Variants in SEMA3E observed in about 807,000 individuals in gnomAD.
SEMA3E encodes semaphorin 3E.
A neutral mutation model predicts 93.6 loss-of-function variants in SEMA3E; 49 were observed. That is an observed-to-expected ratio of 0.52 (90% CI 0.42 to 0.66). The LOEUF is 0.66. SEMA3E is among the 30% of genes least tolerant of loss of function. SEMA3E has a pLI of 0.00. For synonymous variants in SEMA3E, 363 were observed against 330.7 expected, an observed-to-expected ratio of 1.10 and a Z score of -1.06; for missense variants, 906 against 964.8, an observed-to-expected ratio of 0.94 and a Z score of 0.81.
chr7:83,647,617 G>C (rs1467045588), intron 1 of SEMA3E, among the ~76,000 whole-genome samples: 3 of 152,082 alleles, frequency 2.0e-5, no homozygotes, highest in Non-Finnish European at 4.4e-5. Context: ...GCTTGTATTG[G>C]TCCTGATGCA....
chr7:83,536,022 A>G (rs1791405307), intron 1 of SEMA3E, among the ~76,000 whole-genome samples: 1 of 152,130 alleles, frequency 6.6e-6, no homozygotes, highest in Admixed American at 6.6e-5. Context: ...CTCTATATAC[A>G]CCAATGATGG....
intron 1 of SEMA3E, among the ~76,000 whole-genome samples, chr7:83,491,732 T>C (rs1479078363): frequency 6.6e-6 from 1 of 151,886 alleles, no homozygotes; most frequent in Non-Finnish European, 1.5e-5. Context: ...GAATGAAGAG[T>C]ATTAGCAAAA....
intron 2 of SEMA3E, among the ~76,000 whole-genome samples, chr7:83,487,681 T>TTGTGTGTG (rs1291735580): frequency 6.1e-5 from 3 of 49,586 alleles, no homozygotes; most frequent in Admixed American, 4.2e-4. Flanking sequence ...TGGCAGGAGG[T>TTGTGTGTG]CGTGTGTGTG....
At chr7:83,637,297 C>T (rs1034559979) in intron 1 of SEMA3E, among the ~76,000 whole-genome samples, 1 of 152,034 alleles carries the variant, frequency 6.6e-6, no homozygotes, top group Non-Finnish European at 1.5e-5. Flanking sequence ...AAACAGTATA[C>T]CACATTATGT....
At position 83,387,346 on chromosome 7, in the gene SEMA3E, ATCT is replaced by A. The variant is rs76917252; in HGVS notation, c.1668-299_1668-297del. Among the ~76,000 whole-genome samples the A allele has an allele frequency of 0.12, 18,186 of 152,160 alleles. 1,203 individuals are homozygous for A. Among genetic ancestry groups the A allele is most frequent in the Non-Finnish European group, 0.15 (10,354 of 67,984 alleles). On this transcript the variant is annotated intron_variant, in intron 14 of 16. Transcript: ENST00000643230. ...TGTTAAAAATTTAGTTCAACAAGAA[ATCT>A]TCTAGTTTGAGAATGTCTTGAATGG...
intron 16 of SEMA3E, 74 bp downstream of exon 16, chr7:83,385,220 C>A: frequency 6.5e-7 from 1 of 1,532,542 alleles, no homozygotes; most frequent in South Asian, 1.2e-5. Flanking sequence ...TTTCAGCATC[C>A]AAATAAATCA....
chr7:83,582,067 C>T (rs1792527939), intron 1 of SEMA3E, among the ~76,000 whole-genome samples: 1 of 151,824 alleles, frequency 6.6e-6, no homozygotes, highest in Non-Finnish European at 1.5e-5. Flanking sequence ...CCTTAACTCC[C>T]AAGTCACGGG....
At chr7:83,401,813 G>C (rs1788238845) in intron 10 of SEMA3E, among the ~76,000 whole-genome samples, 1 of 152,004 alleles carries the variant, frequency 6.6e-6, no homozygotes, top group Admixed American at 6.6e-5. Flanking sequence ...TAAAAGTATA[G>C]ATGTTGACTT....
intron 16 of SEMA3E, among the ~76,000 whole-genome samples, chr7:83,380,728 A>G (rs1454005859): frequency 2.0e-5 from 3 of 151,918 alleles, no homozygotes; most frequent in Non-Finnish European, 2.9e-5. Context: ...TGTCTTTATT[A>G]CAAGGCTGTA....
intron 1 of SEMA3E, among the ~76,000 whole-genome samples, chr7:83,548,753 A>G (rs1363461745): frequency 6.6e-6 from 1 of 152,096 alleles, no homozygotes; most frequent in Non-Finnish European, 1.5e-5. Context: ...GTTCCTAAAT[A>G]CACCACGCAG....
At chr7:83,421,627 T>C (rs377239057) in intron 4 of SEMA3E, among the ~76,000 whole-genome samples, 10 of 142,616 alleles carry the variant, frequency 7.0e-5, no homozygotes, top group African/African-American at 7.5e-5. Flanking sequence ...ACCACAAACC[T>C]ATAAACAATC....
At chr7:83,538,773 G>C (rs933393684) in intron 1 of SEMA3E, among the ~76,000 whole-genome samples, 6 of 152,006 alleles carry the variant, frequency 3.9e-5, no homozygotes, top group African/African-American at 1.5e-4. Context: ...TATTTTAGTT[G>C]TATCAGTCTC....
rs150043543 is a variant in SEMA3E at position 83,561,010 on chromosome 7, C to A, written c.116-70736G>T. Among the ~76,000 whole-genome samples the A allele has an allele frequency of 3.3e-5, 5 of 151,998 alleles. No homozygotes were observed. The East Asian group carries it at 9.7e-4, about 29-fold the overall frequency. ...TCCTGGAATTTACTAATTTAGAAAT[C>A]CTGAAGACATTATAATATGTGATCA... On this transcript the variant is annotated intron_variant, in intron 1 of 16. Transcript: ENST00000643230.
At chr7:83,645,840 G>A (rs1028072639) in intron 1 of SEMA3E, among the ~76,000 whole-genome samples, 3 of 151,898 alleles carry the variant, frequency 2.0e-5, no homozygotes, top group African/African-American at 7.2e-5. Context: ...GGAGAATGAA[G>A]GGGAGAGGAA....
chr7:83,444,617 A>G (rs7811266), intron 4 of SEMA3E, among the ~76,000 whole-genome samples: 5,401 of 152,248 alleles, frequency 0.035, 335 homozygotes, highest in African/African-American at 0.12. Context: ...ACGGACCAAG[A>G]AAAGAATTCC....
At chr7:83,425,949 G>A (rs1054250186) in intron 4 of SEMA3E, among the ~76,000 whole-genome samples, 2 of 125,528 alleles carry the variant, frequency 1.6e-5, no homozygotes, top group Non-Finnish European at 3.4e-5. Context: ...ATACATACAA[G>A]TAGCCAACAA....
At chr7:83,493,987 G>C (rs779874015) in intron 1 of SEMA3E, among the ~76,000 whole-genome samples, 3 of 151,816 alleles carry the variant, frequency 2.0e-5, no homozygotes, top group Admixed American at 6.6e-5. Flanking sequence ...TTTTTGAAAA[G>C]ATGTGAATGT....
At chr7:83,470,862 C>CTTTTTTTTTTTTTTT in intron 2 of SEMA3E, among the ~76,000 whole-genome samples, 1 of 139,936 alleles carries the variant, frequency 7.1e-6, no homozygotes, top group Non-Finnish European at 1.5e-5. Flanking sequence ...CCCACATTTT[C>CTTTTTTTTTTTTTTT]TTTTTTTTTT....
At chr7:83,461,567 C>G (rs1203231491) in intron 4 of SEMA3E, among the ~76,000 whole-genome samples, 1 of 152,106 alleles carries the variant, frequency 6.6e-6, no homozygotes, top group Non-Finnish European at 1.5e-5. Context: ...AATCAGATAG[C>G]GTTTAGGCTC....
Sources: gnomAD v4.1 joint callset for allele counts (sites outside exome capture counted in the v4.1 genomes callset) on GRCh38, gnomAD v4.1.1 for gene constraint, MANE v1.5 for transcripts, NCBI Gene and HGNC (gene_info 2026-07-23, HGNC 2026-07-21) for gene names.